DEAF1: variants seen among roughly 807,000 people sequenced by gnomAD.
DEAF1 encodes the protein DEAF1 transcription factor, also known as deformed epidermal autoregulatory factor 1 homolog.
DEAF1 carries 53 observed loss-of-function variants against 58.9 expected under a neutral mutation model. The observed-to-expected ratio is 0.90, with a 90% CI of 0.72 to 1.13. The LOEUF is 1.13. DEAF1 is among the 50% of genes most tolerant of loss of function. The pLI, the probability that DEAF1 is intolerant of heterozygous loss-of-function variation, is 0.00. For synonymous variants in DEAF1, 385 were observed against 340.4 expected (o/e 1.13, Z -1.44); for missense variants, 685 against 791.4 (o/e 0.87, Z 1.61).
At chr11:695,788 C>T (rs1040465767), upstream of DEAF1, 115 of 1,236,370 alleles carry the variant, frequency 9.3e-5, no homozygotes, top group Non-Finnish European at 1.2e-4. Context: ...GGCCGAGAGG[C>T]TGCCGGGATC....
chr11:699,050 C>T, upstream of DEAF1: 1 of 829,168 alleles, frequency 1.2e-6, no homozygotes. Context: ...GATGTAACTT[C>T]CTCGGATCAG....
At chr11:670,321 G>T (rs1859754355) in intron 10 of DEAF1, among the ~76,000 whole-genome samples, 1 of 152,002 alleles carries the variant, frequency 6.6e-6, no homozygotes, top group East Asian at 1.9e-4. Flanking sequence ...TTTGGGTGCA[G>T]GGTTATAGAT....
At chr11:681,702 G>A (rs1276563155) in intron 6 of DEAF1, among the ~76,000 whole-genome samples, 2 of 151,760 alleles carry the variant, frequency 1.3e-5, no homozygotes, top group Non-Finnish European at 1.5e-5. Context: ...GAGCCACCAC[G>A]CCCGGCCGAC....
At chr11:654,552 G>A in intron 10 of DEAF1, 3 of 455,350 alleles carry the variant, frequency 6.6e-6, no homozygotes, top group Non-Finnish European at 1.3e-5. Context: ...TGGCCTCAGT[G>A]CAGTTTGCCC....
intron 9 of DEAF1, among the ~76,000 whole-genome samples, chr11:675,878 C>T (rs1305178950): frequency 6.6e-6 from 1 of 151,688 alleles, no homozygotes; most frequent in Non-Finnish European, 1.5e-5. Context: ...AAAAAACTGA[C>T]CAGCAAACAA....
chr11:687,116 A>C, intron 4 of DEAF1, 119 bp from the exon 5 acceptor site: 1 of 1,454,390 alleles, frequency 6.9e-7, no homozygotes, highest in Admixed American at 1.8e-5. Flanking sequence ...GGCTCATGTG[A>C]TCTCACCCAC....
chr11:656,887 AAAAT>A (rs879384301), intron 10 of DEAF1, among the ~76,000 whole-genome samples: 78 of 152,034 alleles, frequency 5.1e-4, no homozygotes, highest in Non-Finnish European at 1.0e-3. Flanking sequence ...TTTAAACTGA[AAAAT>A]AACGTTCTAG....
intron 10 of DEAF1, among the ~76,000 whole-genome samples, chr11:667,486 G>A (rs1216268665): frequency 1.3e-5 from 2 of 152,030 alleles, no homozygotes; most frequent in Non-Finnish European, 2.9e-5. Flanking sequence ...GAAGATGATG[G>A]AAAGACATCT....
rs1861613894 is a variant in DEAF1, at chr11:703,973, T to C, written c.-438+2599A>G. On this transcript the variant is annotated intron_variant, in intron 1 of 11. Transcript: ENST00000683307. ...TTTTTTCCCATTCCCAGATTTACTA[T>C]CAGTTCTCCTTAAAAAGTATCTAAG... 3 of 1,230,322 alleles carry C rather than the reference T, an allele frequency of 2.4e-6. No individual in the cohort carries two copies. The African/African-American group carries it at 4.7e-5, about 19-fold the overall frequency. The allele number at this position is 1,230,322 out of a possible 1,614,324, so 76.2% of individuals were successfully genotyped here. A position where few individuals can be genotyped will look rare whatever the true frequency, so the allele number is the denominator to read the frequency against.
intron 11 of DEAF1, among the ~76,000 whole-genome samples, chr11:653,267 A>G (rs1268659994): frequency 6.9e-6 from 1 of 144,308 alleles, no homozygotes; most frequent in Non-Finnish European, 1.5e-5. Flanking sequence ...GTGGCTCTGC[A>G]GGGGTGTGGA....
chr11:644,365 C>A lies in DEAF1; in HGVS notation c.*185G>T. 1.5e-6 allele frequency: 1 copy of A among 646,380 alleles called. No individual in the cohort carries two copies. Among genetic ancestry groups the A allele is most frequent in the Non-Finnish European group, 2.8e-6 (1 of 357,154 alleles). The allele number at this position is 646,380 out of a possible 1,614,324, so 40.0% of individuals were successfully genotyped here. On this transcript the variant is annotated 3_prime_UTR_variant, in exon 12 of 12. Transcript: ENST00000382409. The surrounding 1 kb of genome is among the most constrained non-coding windows in gnomAD (Gnocchi z 4.3). ...TCCGCGAGCGGGCAGGGGGCCCGGG[C>A]AGGGGGAGTGCGCTTCCCAGGGCAC... is the stretch of plus-strand genomic sequence containing the variant.
chr11:667,975 G>A (rs780482718), intron 10 of DEAF1, among the ~76,000 whole-genome samples: 18 of 152,056 alleles, frequency 1.2e-4, no homozygotes, highest in Non-Finnish European at 1.8e-4. Context: ...AGCTGGGTGT[G>A]GTGGCGCACG....
chr11:689,233 A>G (rs763429074), intron 2 of DEAF1, among the ~76,000 whole-genome samples: 33 of 117,784 alleles, frequency 2.8e-4, no homozygotes, highest in Non-Finnish European at 4.6e-4. Context: ...TGAGACGGAG[A>G]CTCGTTCTGT....
In DEAF1 at chr11:674,633, T is replaced by C; in HGVS notation, c.1406A>G (p.Gln469Arg). Reference protein sequence around the residue: ...MVNSLLNTAQQLKTLFEQAKH... With the variant: ...MVNSLLNTAQRLKTLFEQAKH... Reference sequence around the variant, plus strand: ...GGCTTGCTCAAACAGCGTCTTCAGCTGCTGCGCTGTGTTGAGCAAGGAGTT... The same window carrying C: ...GGCTTGCTCAAACAGCGTCTTCAGCCGCTGCGCTGTGTTGAGCAAGGAGTT... Residue 469 changes from glutamine to arginine, a missense_variant, in exon 10 of 12, where the codon CAG becomes CGG. By Grantham distance (43) the Gln-to-Arg change is conservative (BLOSUM62 1). Transcript: ENST00000382409. 26 of 1,614,190 alleles carry C rather than the reference T, an allele frequency of 1.6e-5. No homozygotes were observed. The highest frequency in any genetic ancestry group is 2.1e-5 in the Non-Finnish European group (25 of 1,180,042).
chr11:695,939 C>G (rs754499828), upstream of DEAF1: 1 of 999,928 alleles, frequency 1.0e-6, no homozygotes, highest in Non-Finnish European at 1.3e-6. Context: ...TCGGTGCGCT[C>G]ACGGGGCCGT....
chr11:663,453 C>A (rs1048398035), intron 10 of DEAF1, among the ~76,000 whole-genome samples: 4 of 152,206 alleles, frequency 2.6e-5, no homozygotes, highest in Admixed American at 6.6e-5. Flanking sequence ...ACAACAACAA[C>A]AAAAGACTGC....
intron 10 of DEAF1, among the ~76,000 whole-genome samples, chr11:662,764 C>A (rs575730143): frequency 6.6e-6 from 1 of 152,308 alleles, no homozygotes; most frequent in African/African-American, 2.4e-5. Context: ...ATGATGGCAC[C>A]ACAATGGTCC....
intron 10 of DEAF1, among the ~76,000 whole-genome samples, chr11:660,850 C>CAA (rs1427350023): frequency 6.6e-6 from 1 of 151,954 alleles, no homozygotes; most frequent in African/African-American, 2.4e-5. Flanking sequence ...CACTGAAACA[C>CAA]AAGCCCCTCT....
intron 2 of DEAF1, among the ~76,000 whole-genome samples, chr11:691,119 G>C (rs566162454): frequency 6.6e-6 from 1 of 152,234 alleles, no homozygotes; most frequent in Admixed American, 6.5e-5. Flanking sequence ...ACAGGATATG[G>C]GGGAGGGAAA....
Sources: allele counts gnomAD v4.1 joint callset (sites outside exome capture counted in the v4.1 genomes callset), GRCh38; gene constraint gnomAD v4.1.1; non-coding constraint Gnocchi (gnomAD v3.1); transcripts MANE v1.5; gene names NCBI Gene and HGNC (gene_info 2026-07-23, HGNC 2026-07-21).